OR51A4: variants seen among roughly 807,000 people sequenced by gnomAD.
OR51A4 encodes olfactory receptor family 51 subfamily A member 4.
For synonymous variants in OR51A4, 96 were observed against 141.5 expected (o/e 0.68, Z 2.28); for missense variants, 243 against 364.0 (o/e 0.67, Z 2.70).
At position 4,946,152 on chromosome 11, in the gene OR51A4, A is replaced by G; in HGVS notation, c.*7T>C. On this transcript the variant is annotated 3_prime_UTR_variant, in exon 2 of 2. Coordinates refer to ENST00000641898, the MANE Select transcript of OR51A4 (RefSeq NM_001005329.2). ...GACATTTCCAGGTTTTCTGTCACAT[A>G]TGACTGTTAAATCTTCCGTTGACAC... 2 of 1,611,582 alleles carry G rather than the reference A, an allele frequency of 1.2e-6. No homozygotes were observed. The highest frequency in any genetic ancestry group is 1.7e-6 in the Non-Finnish European group (2 of 1,177,956).
chr11:4,943,512 C>G lies in OR51A4; in HGVS notation c.*2647G>C, dbSNP rs183476330. ...TTTTTTTAATGCTTGGCACCACTGA[C>G]ATTTTGTGCTAGATAATTCTTTTGG... On this transcript the variant is annotated 3_prime_UTR_variant, in exon 2 of 2. Transcript: ENST00000641898. 2.2e-6 allele frequency: 1 copy of G among 456,062 alleles called. No individual in the cohort carries two copies. Among genetic ancestry groups the G allele is most frequent in the Non-Finnish European group, 4.4e-6 (1 of 226,574 alleles). The allele number at this position is 456,062 out of a possible 1,614,324, so 28.3% of individuals were successfully genotyped here.
chr11:4,947,413 C>T lies in OR51A4; in HGVS notation c.-63+132G>A, dbSNP rs143983150. The T allele has an allele frequency of 3.7e-3, 807 of 220,186 alleles. 160 individuals carry two copies. Among genetic ancestry groups the T allele is most frequent in the Middle Eastern group, 0.012 (9 of 758 alleles). The allele number at this position is 220,186 out of a possible 1,614,324, so 13.6% of individuals were successfully genotyped here. A position where few individuals can be genotyped will look rare whatever the true frequency, so the allele number is the denominator to read the frequency against. ...TTTTTTCCTGTAAAATATTAGTAAA[C>T]GCTGGTCAATTAACTGGAATCTTCT... On this transcript the variant is annotated intron_variant, in intron 1 of 1. Transcript: ENST00000641898.
At position 4,947,120 on chromosome 11, in the gene OR51A4, G is replaced by A. The variant is rs778443414; in HGVS notation, c.-20C>T. ...GGACATGATTCATTCATAGGGCTCT[G>A]CTATGAAAAATACAGATGCTTGTGT... On this transcript the variant is annotated 5_prime_UTR_variant, in exon 2 of 2. Coordinates refer to ENST00000641898, the MANE Select transcript of OR51A4 (RefSeq NM_001005329.2). The A allele has an allele frequency of 1.3e-5, 16 of 1,231,856 alleles. 1 individual carries two copies. Among genetic ancestry groups the A allele is most frequent in the Non-Finnish European group, 1.8e-5 (16 of 881,886 alleles). The allele number at this position is 1,231,856 out of a possible 1,614,324, so 76.3% of individuals were successfully genotyped here.
In OR51A4 at chr11:4,944,071, G is replaced by T. The variant is rs2605303; in HGVS notation, c.*2088C>A. The T allele has an allele frequency of 1, 446,531 of 448,578 alleles. 222,285 individuals carry two copies. Among genetic ancestry groups the T allele is most frequent in the East Asian group, 1 (14,356 of 14,356 alleles). The allele number at this position is 448,578 out of a possible 1,614,324, so 27.8% of individuals were successfully genotyped here. On this transcript the variant is annotated 3_prime_UTR_variant, in exon 2 of 2. Transcript: ENST00000641898. ...TAATAAAATATGTCAACTACTGCTT[G>T]GTTGTACTACAACCCCAAACCCATA...
rs118113726 is a variant in OR51A4, at chr11:4,943,447, C to A, written c.*2712G>T. ...CAAGGTAATTTGTTTAACCATGGGG[C>A]TTAATCATTTGTTATTTGATAGTTA... is the stretch of plus-strand genomic sequence containing the variant. On this transcript the variant is annotated 3_prime_UTR_variant, in exon 2 of 2. Coordinates refer to ENST00000641898, the MANE Select transcript of OR51A4 (RefSeq NM_001005329.2). The A allele has an allele frequency of 2.2e-6, 1 of 455,540 alleles. No individual in the cohort carries two copies. Among genetic ancestry groups the A allele is most frequent in the East Asian group, 7.0e-5 (1 of 14,336 alleles). The allele number at this position is 455,540 out of a possible 1,614,324, so 28.2% of individuals were successfully genotyped here. A position where few individuals can be genotyped will look rare whatever the true frequency, so the allele number is the denominator to read the frequency against.
Position 4,946,088 on chromosome 11 carries a change from A to T in OR51A4, c.*71T>A, listed in dbSNP as rs1846297253. On this transcript the variant is annotated 3_prime_UTR_variant, in exon 2 of 2. Transcript: ENST00000641898. ...TATGTGTTGATAATTCTTGGTGTCAAATATTAGGTTTCTCAAATTTACCTT... is the reference window on the plus strand; with the variant it reads ...TATGTGTTGATAATTCTTGGTGTCATATATTAGGTTTCTCAAATTTACCTT... 12 of 1,358,868 alleles carry T rather than the reference A, an allele frequency of 8.8e-6. No homozygotes were observed. The highest frequency in any genetic ancestry group is 1.2e-5 in the Non-Finnish European group (12 of 963,912). The allele number at this position is 1,358,868 out of a possible 1,614,324, so 84.2% of individuals were successfully genotyped here.
At position 4,943,337 on chromosome 11, in the gene OR51A4, T is replaced by C; in HGVS notation, c.*2822A>G. On this transcript the variant is annotated 3_prime_UTR_variant, in exon 2 of 2. Transcript: ENST00000641898. ...TTTTAACATCTCTCAAGTGAAGTCT[T>C]TCAGTTTTCTCAGTTTTTCACTGGT... is the stretch of plus-strand genomic sequence containing the variant. 1 of 344,814 alleles carries C rather than the reference T, an allele frequency of 2.9e-6. No individual in the cohort carries two copies. Among genetic ancestry groups the C allele is most frequent in the South Asian group, 2.4e-5 (1 of 41,898 alleles). 21.4% of individuals were successfully genotyped at this position (344,814 alleles called of 1,614,324 possible). A position where few individuals can be genotyped will look rare whatever the true frequency, so the allele number is the denominator to read the frequency against.
In OR51A4 at chr11:4,946,959, G is replaced by A. The variant is rs1846321162; in HGVS notation, c.142C>T (p.Leu48Phe). Residue 48 changes from leucine (L) to phenylalanine (F), a missense_variant, in exon 2 of 2, where the codon CTT becomes TTT. Physicochemically the swap from Leu to Phe is conservative, Grantham distance 22 (BLOSUM62 0). Coordinates refer to ENST00000641898, the MANE Select transcript of OR51A4 (RefSeq NM_001005329.2). ...LIAILGNGTI[L>F]FIIKTEPSLH... The stretch of plus-strand genomic sequence containing the variant: ...GAGGGCTCTGTCTTGATGATAAAAA[G>A]AATGGTGCCATTTCCTAGAATAGCA... The A allele has an allele frequency of 8.7e-6, 14 of 1,605,264 alleles. No homozygotes were observed. Among genetic ancestry groups the A allele is most frequent in the Non-Finnish European group, 1.1e-5 (13 of 1,176,110 alleles).
rs143239713 is a variant in OR51A4, at chr11:4,946,529, C to G, written c.572G>C (p.Cys191Ser). 6.2e-7 allele frequency: 1 copy of G among 1,602,754 alleles called. No homozygotes were observed. The highest frequency in any genetic ancestry group is 8.5e-7 in the Non-Finnish European group (1 of 1,172,270). The part of the protein sequence containing the change: ...CLHQDVMKLA[C>S]SDNRIDVIYG... Reference sequence around the variant, plus strand: ...GATAACATCAATTCTGTTGTCAGAACAGGCCAACTTCATGACATCCTGGTG... The same window carrying G: ...GATAACATCAATTCTGTTGTCAGAAGAGGCCAACTTCATGACATCCTGGTG... Residue 191 changes from cysteine (C) to serine (S), a missense_variant, in exon 2 of 2, where the codon TGT becomes TCT. Transcript: ENST00000641898.
At position 4,943,914 on chromosome 11, in the gene OR51A4, T is replaced by C; in HGVS notation, c.*2245A>G. ...GATACTCTTTTATGTGACATCTATGTACAATATCCTGAAAGAATAAGATGC... is the reference window on the plus strand; with the variant it reads ...GATACTCTTTTATGTGACATCTATGCACAATATCCTGAAAGAATAAGATGC... On this transcript the variant is annotated 3_prime_UTR_variant, in exon 2 of 2. Coordinates refer to ENST00000641898, the MANE Select transcript of OR51A4 (RefSeq NM_001005329.2). The C allele has an allele frequency of 2.3e-6, 1 of 429,278 alleles. No individual in the cohort carries two copies. Among genetic ancestry groups the C allele is most frequent in the Non-Finnish European group, 4.6e-6 (1 of 215,480 alleles). The allele number at this position is 429,278 out of a possible 1,614,324, so 26.6% of individuals were successfully genotyped here.
At position 4,946,780 on chromosome 11, in the gene OR51A4, A is replaced by T. The variant is rs756289057; in HGVS notation, c.321T>A (p.His107Gln). Residue 107 changes from histidine to glutamine, a missense_variant, in exon 2 of 2, where the codon CAT becomes CAA. Transcript: ENST00000641898. ...CTGAGGACTCCAGTACTGAGAATCC[A>T]TGAATGAAGAATTCCTGGGCAAAGC... The part of the protein sequence containing the change: ...NACFAQEFFI[H>Q]GFSVLESSVL... 2 of 1,587,896 alleles carry T rather than the reference A, an allele frequency of 1.3e-6. No homozygotes were observed. Among genetic ancestry groups the T allele is most frequent in the South Asian group, 2.2e-5 (2 of 90,296 alleles).
Position 4,946,749 on chromosome 11 carries a change from GGAGGACT to G in OR51A4, c.345_351del (p.Val116Ter), listed in dbSNP as rs1203835428. On this transcript the variant is annotated frameshift_variant, in exon 2 of 2. Transcript: ENST00000641898. LOFTEE classifies it low-confidence loss of function (END_TRUNC). ...AGGAATCTATCAAATGACATGATCA[GGAGGACT>G]GAGGACTCCAGTACTGAGAATCCAT... 6.3e-7 allele frequency: 1 copy of G among 1,588,666 alleles called. No homozygotes were observed. Among genetic ancestry groups the G allele is most frequent in the Admixed American group, 1.7e-5 (1 of 59,318 alleles).
rs1187623360 is a variant in OR51A4 at position 4,943,623 on chromosome 11, A to T, written c.*2536T>A. 1.3e-5 allele frequency: 5 copies of T among 372,428 alleles called. No homozygotes were observed. The East Asian group carries it at 3.7e-4, about 27-fold the overall frequency. The allele number at this position is 372,428 out of a possible 1,614,324, so 23.1% of individuals were successfully genotyped here. ...AAGTCAGTGACACACCCACACCCCC[A>T]GGTTGCAACAACCGAAGATGTCCCC... On this transcript the variant is annotated 3_prime_UTR_variant, in exon 2 of 2. Coordinates refer to ENST00000641898, the MANE Select transcript of OR51A4 (RefSeq NM_001005329.2).
chr11:4,945,854 A>G lies in OR51A4; in HGVS notation c.*305T>C. The G allele has an allele frequency of 2.6e-6, 1 of 382,852 alleles. No homozygotes were observed. Among genetic ancestry groups the G allele is most frequent in the Non-Finnish European group, 4.8e-6 (1 of 209,034 alleles). 23.7% of individuals were successfully genotyped at this position (382,852 alleles called of 1,614,324 possible). ...TAAGAGATTGAATGTAGATAATGAG[A>G]AATCCAACTTCTGTCAGAGCTGTAA... On this transcript the variant is annotated 3_prime_UTR_variant, in exon 2 of 2. Coordinates refer to ENST00000641898, the MANE Select transcript of OR51A4 (RefSeq NM_001005329.2).
Position 4,943,716 on chromosome 11 carries a change from A to C in OR51A4, c.*2443T>G. 2.8e-6 allele frequency: 1 copy of C among 354,342 alleles called. No individual in the cohort carries two copies. The highest frequency in any genetic ancestry group is 5.6e-6 in the Non-Finnish European group (1 of 179,334). The allele number at this position is 354,342 out of a possible 1,614,324, so 21.9% of individuals were successfully genotyped here. On this transcript the variant is annotated 3_prime_UTR_variant, in exon 2 of 2. Transcript: ENST00000641898. ...TGAGAACCACTGTTTAAGGAGCCCCAGAGTTGAGATTTTAATCCTCCAAAA... is the reference window on the plus strand; with the variant it reads ...TGAGAACCACTGTTTAAGGAGCCCCCGAGTTGAGATTTTAATCCTCCAAAA...
At position 4,943,386 on chromosome 11, in the gene OR51A4, G is replaced by T; in HGVS notation, c.*2773C>A. The T allele has an allele frequency of 1.5e-5, 6 of 402,558 alleles. No individual in the cohort carries two copies. The highest frequency in any genetic ancestry group is 7.4e-5 in the South Asian group (4 of 54,214). 24.9% of individuals were successfully genotyped at this position (402,558 alleles called of 1,614,324 possible). A position where few individuals can be genotyped will look rare whatever the true frequency, so the allele number is the denominator to read the frequency against. ...GTTTCCTTTCTGAGGAACTTCTCTG[G>T]TATCAGATTGCCCCTAGGTGCTGTG... On this transcript the variant is annotated 3_prime_UTR_variant, in exon 2 of 2. Transcript: ENST00000641898.
chr11:4,946,134 C>A lies in OR51A4; in HGVS notation c.*25G>T. Reference sequence around the variant, plus strand: ...ACCTTAAATATCTTACCAGACATTTCCAGGTTTTCTGTCACATATGACTGT... The same window carrying A: ...ACCTTAAATATCTTACCAGACATTTACAGGTTTTCTGTCACATATGACTGT... On this transcript the variant is annotated 3_prime_UTR_variant, in exon 2 of 2. Transcript: ENST00000641898. 6.3e-7 allele frequency: 1 copy of A among 1,591,120 alleles called. No homozygotes were observed. The highest frequency in any genetic ancestry group is 8.6e-7 in the Non-Finnish European group (1 of 1,160,646).
rs570256953 is a variant in OR51A4, at chr11:4,944,163, T to C, written c.*1996A>G. On this transcript the variant is annotated 3_prime_UTR_variant, in exon 2 of 2. Transcript: ENST00000641898. ...TATGCACCTCAAACATAGGAACAGT[T>C]CTTGCCCTGATCTGATGATAGGATT... is the stretch of plus-strand genomic sequence containing the variant. 92 of 446,116 alleles carry C rather than the reference T, an allele frequency of 2.1e-4. No homozygotes were observed. In the East Asian group the frequency reaches 4.3e-3, roughly 21 times the overall value. 27.6% of individuals were successfully genotyped at this position (446,116 alleles called of 1,614,324 possible). A position where few individuals can be genotyped will look rare whatever the true frequency, so the allele number is the denominator to read the frequency against.
chr11:4,946,660 C>A lies in OR51A4; in HGVS notation c.441G>T (p.Gly147=). ...ILTTVRVAQI[G]IVFSFKSMLL... ...GCATGCTCTTAAAGGAGAATACTAT[C>A]CCTATTTGGGCAACTCTGACAGTTG... Residue 147 remains glycine, a synonymous_variant, in exon 2 of 2, where the codon GGG becomes GGT. Coordinates refer to ENST00000641898, the MANE Select transcript of OR51A4 (RefSeq NM_001005329.2). The A allele has an allele frequency of 6.3e-7, 1 of 1,591,662 alleles. No individual in the cohort carries two copies. Among genetic ancestry groups the A allele is most frequent in the Non-Finnish European group, 8.6e-7 (1 of 1,163,006 alleles).
Sources: gnomAD v4.1 joint callset for allele counts on GRCh38, gnomAD v4.1.1 for gene constraint, MANE v1.5 for transcripts, NCBI Gene and HGNC (gene_info 2026-07-23, HGNC 2026-07-21) for gene names.